CAPN13: variants seen among roughly 807,000 people sequenced by gnomAD.
CAPN13 encodes calpain-13.
In CAPN13, 90 loss-of-function variants were observed where a neutral mutation model predicts 98.4. The ratio of observed to expected loss-of-function variants is 0.92; its 90% CI spans 0.77 to 1.09. The LOEUF is 1.09. Among genes scored for constraint, CAPN13 ranks in the 50% least tolerant of loss-of-function variants. CAPN13 has a pLI of 0.00. For missense variants in CAPN13, 887 were observed against 841.3 expected (o/e 1.05, Z -0.67); for synonymous variants, 330 against 305.5 (o/e 1.08, Z -0.84).
In CAPN13 at chr2:30,795,323, C is replaced by T. The variant is rs1018770866; in HGVS notation, c.-32-7966G>A. On this transcript the variant is annotated intron_variant, in intron 1 of 22. Transcript: ENST00000295055. ...GGGTTTAGGAAACGCACATACTCAA[C>T]GTCACTAAGTATGCCAAATTATTGT... is the stretch of plus-strand genomic sequence containing the variant. 4.5e-4 allele frequency among the ~76,000 whole-genome samples: 68 copies of T among 152,218 alleles called. 1 individual carries two copies. The highest frequency in any genetic ancestry group is 3.3e-3 in the South Asian group (16 of 4,826).
Position 30,788,406 on chromosome 2 carries a change from G to A in CAPN13, c.-32-1049C>T, listed in dbSNP as rs115576716. Among the ~76,000 whole-genome samples the A allele has an allele frequency of 7.2e-3, 1,092 of 152,282 alleles. 8 individuals are homozygous for A. The highest frequency in any genetic ancestry group is 0.025 in the African/African-American group (1,036 of 41,526). The stretch of plus-strand genomic sequence containing the variant: ...TTCTTGTTCAGGCAGCCACAGGAAC[G>A]TAACTGGTGCCATTTACCAAAAATG... On this transcript the variant is annotated intron_variant, in intron 1 of 22. Transcript: ENST00000295055.
At chr2:30,732,966 G>C (rs2147948076) in intron 19 of CAPN13, among the ~76,000 whole-genome samples, 1 of 152,342 alleles carries the variant, frequency 6.6e-6, no homozygotes, top group East Asian at 1.9e-4. Flanking sequence ...GATGCTGCTA[G>C]TGTAGGTGGG....
intron 1 of CAPN13, among the ~76,000 whole-genome samples, chr2:30,789,151 A>G (rs1674478406): frequency 6.6e-6 from 1 of 152,234 alleles, no homozygotes; most frequent in Admixed American, 6.5e-5. Context: ...AAATAGTGAT[A>G]AAGCTGAAAT....
At chr2:30,723,406 G>A (rs1026868023) in intron 22 of CAPN13, among the ~76,000 whole-genome samples, 170 bp from the exon 23 acceptor site, 5 of 152,214 alleles carry the variant, frequency 3.3e-5, no homozygotes, top group South Asian at 2.1e-4. Context: ...AGACCCCAAC[G>A]TGCCCATGGC....
intron 15 of CAPN13, among the ~76,000 whole-genome samples, chr2:30,739,067 G>A (rs1671526211): frequency 6.6e-6 from 1 of 152,166 alleles, no homozygotes. Context: ...AGGTTGGGGA[G>A]GGAGGAACTC....
chr2:30,787,670 A>T (rs1674370001), intron 1 of CAPN13, among the ~76,000 whole-genome samples: 1 of 152,208 alleles, frequency 6.6e-6, no homozygotes, highest in African/African-American at 2.4e-5. Flanking sequence ...GGTAGGTTAA[A>T]AAGGTATCCA....
chr2:30,786,418 C>T (rs548971501), intron 2 of CAPN13, among the ~76,000 whole-genome samples: 1 of 152,158 alleles, frequency 6.6e-6, no homozygotes, highest in South Asian at 2.1e-4. Context: ...AATGTTGAGT[C>T]AGCTGAGATA....
rs544996755 is a variant in CAPN13 at position 30,750,153 on chromosome 2, T to G, written c.1236+950A>C. On this transcript the variant is annotated intron_variant, in intron 11 of 22. Transcript: ENST00000295055. ...AGCCACAAAAACAGCTGTTTTTTTCTGGGAACATGGATGGAGCTGGAAGCT... is the reference window on the plus strand; with the variant it reads ...AGCCACAAAAACAGCTGTTTTTTTCGGGGAACATGGATGGAGCTGGAAGCT... Among the ~76,000 whole-genome samples, 24 of 152,298 alleles carry G rather than the reference T, an allele frequency of 1.6e-4. No homozygotes were observed. In the South Asian group the frequency reaches 2.1e-3, roughly 13 times the overall value.
In CAPN13 at chr2:30,758,145, G is replaced by T; in HGVS notation, c.775-8C>A. 2 of 1,583,488 alleles carry T rather than the reference G, an allele frequency of 1.3e-6. No homozygotes were observed. Among genetic ancestry groups the T allele is most frequent in the Non-Finnish European group, 1.7e-6 (2 of 1,165,350 alleles). On this transcript the variant is annotated splice_polypyrimidine_tract_variant and splice_region_variant and intron_variant, in intron 7 of 22. Transcript: ENST00000295055. ...GCCCCTTCGGTATTGAATCTGTAAA[G>T]AAAACAGAAAAGGAAACTCAGTGCT...
intron 4 of CAPN13, among the ~76,000 whole-genome samples, chr2:30,772,098 C>T (rs1475432182): frequency 6.6e-6 from 1 of 152,154 alleles, no homozygotes; most frequent in African/African-American, 2.4e-5. Context: ...CAAACTTGCT[C>T]TCCCTATACA....
chr2:30,803,158 G>A (rs192472837), intron 1 of CAPN13, among the ~76,000 whole-genome samples: 35 of 152,350 alleles, frequency 2.3e-4, no homozygotes, highest in Admixed American at 5.2e-4. Context: ...TGGCTGCCAC[G>A]TCTGGTTAAG....
intron 12 of CAPN13, 140 bp downstream of exon 12, chr2:30,745,583 G>GA (rs1558620020): frequency 1.2e-5 from 9 of 764,404 alleles, no homozygotes; most frequent in Non-Finnish European, 1.9e-5. Flanking sequence ...GGGGATTCTA[G>GA]GCCTGTGTCT....
At chr2:30,764,490 T>C (rs1481475417) in intron 5 of CAPN13, among the ~76,000 whole-genome samples, 184 bp from the exon 6 acceptor site, 2 of 152,154 alleles carry the variant, frequency 1.3e-5, no homozygotes, top group African/African-American at 4.8e-5. Context: ...CTCCAGGGGC[T>C]CCTACCATCC....
chr2:30,758,566 G>A (rs535963059), intron 7 of CAPN13, among the ~76,000 whole-genome samples: 1 of 152,280 alleles, frequency 6.6e-6, no homozygotes, highest in African/African-American at 2.4e-5. Context: ...CAGCCCAGTG[G>A]GAGCTATGGT....
chr2:30,802,440 G>A (rs1449304067), intron 1 of CAPN13, among the ~76,000 whole-genome samples: 1 of 147,638 alleles, frequency 6.8e-6, no homozygotes, highest in Non-Finnish European at 1.5e-5. Flanking sequence ...GAAAAAGAAG[G>A]AGCTTAGAAT....
chr2:30,767,857 C>T (rs918405013), intron 5 of CAPN13, among the ~76,000 whole-genome samples: 9 of 152,150 alleles, frequency 5.9e-5, no homozygotes, highest in African/African-American at 1.2e-4. Flanking sequence ...GGACTGCACT[C>T]GGCAAGGCTG....
intron 5 of CAPN13, 140 bp from the exon 6 acceptor site, chr2:30,764,446 T>C: frequency 1.2e-6 from 1 of 846,740 alleles, no homozygotes; most frequent in South Asian, 1.7e-5. Context: ...CCACCTCCCC[T>C]TTGCCTGGAT....
chr2:30,800,711 G>A (rs897439660), intron 1 of CAPN13, among the ~76,000 whole-genome samples: 1 of 152,164 alleles, frequency 6.6e-6, no homozygotes, highest in South Asian at 2.1e-4. Context: ...CCCACAGAAT[G>A]TATTATTTCT....
chr2:30,752,128 G>C (rs960628948), intron 10 of CAPN13, among the ~76,000 whole-genome samples: 3 of 152,180 alleles, frequency 2.0e-5, no homozygotes, highest in Non-Finnish European at 2.9e-5. Flanking sequence ...ACCTCCTGGT[G>C]ACAAGGCTCT....
Sources: gnomAD v4.1 joint callset for allele counts (sites outside exome capture counted in the v4.1 genomes callset) on GRCh38, gnomAD v4.1.1 for gene constraint, MANE v1.5 for transcripts, NCBI Gene and HGNC (gene_info 2026-07-23, HGNC 2026-07-21) for gene names.